Variants in USP34 observed in about 807,000 individuals in gnomAD.
The protein encoded by USP34 is ubiquitin specific peptidase 34.
In USP34, 70 loss-of-function variants were observed where a neutral mutation model predicts 460.3. The ratio of observed to expected loss-of-function variants is 0.15; its 90% CI spans 0.13 to 0.19. USP34 has a LOEUF of 0.19. Among genes scored for constraint, USP34 ranks in the 10% least tolerant of loss-of-function variants. The pLI is 1.00. For synonymous variants in USP34, 1,647 were observed against 1,405.3 expected, an observed-to-expected ratio of 1.17 and a Z score of -3.85; for missense variants, 3,985 against 4,236.2, an observed-to-expected ratio of 0.94 and a Z score of 1.65.
chr2:61,195,088 C>A (rs971886044), intron 75 of USP34, among the ~76,000 whole-genome samples: 1 of 151,934 alleles, frequency 6.6e-6, no homozygotes, highest in Admixed American at 6.6e-5. Flanking sequence ...GGTGTGGTGG[C>A]ACACACCTGT....
At chr2:61,192,794 A>G (rs1285835409) in intron 76 of USP34, 107 bp downstream of exon 76, 2 of 808,438 alleles carry the variant, frequency 2.5e-6, no homozygotes, top group African/African-American at 3.5e-5. Context: ...TCAAGATTCT[A>G]AAATGTCCCC....
intron 1 of USP34, among the ~76,000 whole-genome samples, chr2:61,439,518 A>C (rs1462046918): frequency 2.0e-5 from 3 of 152,186 alleles, no homozygotes; most frequent in Non-Finnish European, 4.4e-5. Flanking sequence ...CCCAGTGCCC[A>C]GCACCATCCA....
intron 57 of USP34, among the ~76,000 whole-genome samples, chr2:61,234,725 T>C (rs1688013662): frequency 6.6e-6 from 1 of 152,078 alleles, no homozygotes; most frequent in Non-Finnish European, 1.5e-5. Context: ...ACTGCTTCTC[T>C]GCCTCAAGGG....
chr2:61,346,808 G>A (rs187964907), intron 15 of USP34, among the ~76,000 whole-genome samples: 1,481 of 138,300 alleles, frequency 0.011, 43 homozygotes, highest in African/African-American at 0.038. Context: ...CTCCAGCCTG[G>A]GTGACAGAGT....
chr2:61,404,955 T>A (rs1245330713), intron 3 of USP34, among the ~76,000 whole-genome samples: 1 of 151,338 alleles, frequency 6.6e-6, no homozygotes, highest in Non-Finnish European at 1.5e-5. Context: ...TAGCCAGGGG[T>A]GGTGGCTCAC....
chr2:61,408,804 A>G (rs993197459), intron 2 of USP34, among the ~76,000 whole-genome samples: 2 of 151,678 alleles, frequency 1.3e-5, no homozygotes, highest in African/African-American at 2.4e-5. Context: ...GAGGCAGGAG[A>G]GTCACTTGAA....
At chr2:61,230,187 C>T (rs1173978158) in intron 58 of USP34, among the ~76,000 whole-genome samples, 1 of 152,104 alleles carries the variant, frequency 6.6e-6, no homozygotes, top group Non-Finnish European at 1.5e-5. Context: ...GAAATTAGAA[C>T]ACTTATATAT....
At chr2:61,298,603 G>A (rs1337143787) in intron 29 of USP34, among the ~76,000 whole-genome samples, 4 of 133,870 alleles carry the variant, frequency 3.0e-5, no homozygotes, top group African/African-American at 5.5e-5. Flanking sequence ...CTTTCCCTTT[G>A]GTTTAAGTCT....
intron 41 of USP34, among the ~76,000 whole-genome samples, chr2:61,267,391 C>G (rs947883312): frequency 1.3e-5 from 2 of 150,964 alleles, no homozygotes; most frequent in Admixed American, 1.3e-4. Flanking sequence ...ATTCATAGTT[C>G]TTAGCAAAGA....
chr2:61,265,684 A>T, intron 42 of USP34, 127 bp from the exon 43 acceptor site: 3 of 810,962 alleles, frequency 3.7e-6, no homozygotes, highest in Middle Eastern at 4.2e-4. Flanking sequence ...ATTATATAGA[A>T]TTTTTTAAAT....
chr2:61,345,204 G>A (rs915680046), intron 15 of USP34, among the ~76,000 whole-genome samples: 2 of 151,984 alleles, frequency 1.3e-5, no homozygotes, highest in East Asian at 1.9e-4. Context: ...AACCCAAAAG[G>A]TGGAGGCTGC....
chr2:61,370,364 C>T lies in USP34; in HGVS notation c.1208G>A (p.Arg403Gln), dbSNP rs768249503. Residue 403 changes from arginine to glutamine, a missense_variant, in exon 10 of 80, where the codon CGA (arginine) becomes CAA (glutamine). Physicochemically the swap from Arg to Gln is conservative, Grantham distance 43. Around this residue, in one of 14 missense-constraint regions of USP34, gnomAD observed 716 missense variants for 626.2 expected, o/e 1.14. Coordinates refer to ENST00000398571, the MANE Select transcript of USP34 (RefSeq NM_014709.4). ...ACAGTCAATATGTTGAGTACTCAGT[C>T]GCCCTTCTGCTGCCAAAAAATTCAA... ...VILNFLAAEG[R>Q]LSTQHIDCIW... is the part of the protein sequence containing the mutation. 2.1e-5 allele frequency: 34 copies of T among 1,613,994 alleles called. No homozygotes were observed. The highest frequency in any genetic ancestry group is 2.5e-5 in the Non-Finnish European group (30 of 1,179,958).
intron 2 of USP34, among the ~76,000 whole-genome samples, chr2:61,420,438 G>A (rs7606438): frequency 0.011 from 1,611 of 152,182 alleles, 22 homozygotes; most frequent in African/African-American, 0.035. Context: ...GATTAAGATT[G>A]TTACAAGCCT....
At chr2:61,343,288 T>A (rs1203641348) in intron 16 of USP34, among the ~76,000 whole-genome samples, 1 of 152,218 alleles carries the variant, frequency 6.6e-6, no homozygotes, top group African/African-American at 2.4e-5. Flanking sequence ...CCATCCTCCA[T>A]TCTTTCAAGT....
At chr2:61,389,489 T>C (rs915198992) in intron 5 of USP34, among the ~76,000 whole-genome samples, 4 of 152,070 alleles carry the variant, frequency 2.6e-5, no homozygotes, top group African/African-American at 7.2e-5. Flanking sequence ...AAAATGTCAA[T>C]ACAAGAAAAA....
chr2:61,452,030 C>T (rs1315975901), intron 1 of USP34, among the ~76,000 whole-genome samples: 3 of 151,688 alleles, frequency 2.0e-5, no homozygotes, highest in East Asian at 2.0e-4. Flanking sequence ...AAAAATTAGC[C>T]GGGCGTGGTG....
rs930879483 is a variant in USP34 at position 61,318,432 on chromosome 2, T to C, written c.3169-665A>G. On this transcript the variant is annotated intron_variant, in intron 22 of 79. Transcript: ENST00000398571. ...TCGAAATTTAAGATGGCAAAAGTTATATTTGTAGCTCTGTCTTGGGTCTGT... is the reference window on the plus strand; with the variant it reads ...TCGAAATTTAAGATGGCAAAAGTTACATTTGTAGCTCTGTCTTGGGTCTGT... 2.0e-4 allele frequency among the ~76,000 whole-genome samples: 30 copies of C among 152,292 alleles called. 1 individual carries two copies. Among genetic ancestry groups the C allele is most frequent in the Middle Eastern group, 3.4e-3 (1 of 294 alleles).
chr2:61,441,622 G>A (rs1176755001), intron 1 of USP34, among the ~76,000 whole-genome samples: 1 of 151,690 alleles, frequency 6.6e-6, no homozygotes, highest in African/African-American at 2.4e-5. Flanking sequence ...CCACTCAACA[G>A]GCACAGAAAT....
intron 1 of USP34, among the ~76,000 whole-genome samples, chr2:61,459,255 T>C (rs1035268828): frequency 1.8e-4 from 27 of 152,274 alleles, no homozygotes; most frequent in African/African-American, 6.3e-4. Flanking sequence ...ACAACTAAAT[T>C]CTAGTCCTAC....
Sources: allele counts gnomAD v4.1 joint callset (sites outside exome capture counted in the v4.1 genomes callset), GRCh38; gene constraint gnomAD v4.1.1; regional missense constraint gnomAD v4.1.1; transcripts MANE v1.5; gene names NCBI Gene and HGNC (gene_info 2026-07-23, HGNC 2026-07-21).